The following GALNT8 variants were observed in gnomAD, a reference collection of about 807,000 sequenced individuals.
The protein encoded by GALNT8 is polypeptide N-acetylgalactosaminyltransferase 8.
GALNT8 carries 66 observed loss-of-function variants against 62.7 expected under a neutral mutation model. That is an observed-to-expected ratio of 1.05 (90% CI 0.86 to 1.29). The LOEUF (loss-of-function observed/expected upper bound fraction) is 1.29, where lower values mean the gene tolerates loss of function less well. GALNT8 is among the 50% of genes most tolerant of loss of function. GALNT8 has a pLI of 0.00. For synonymous variants in GALNT8, 288 were observed against 294.3 expected (o/e 0.98, Z 0.22); for missense variants, 771 against 791.8 (o/e 0.97, Z 0.32).
intron 6 of GALNT8, among the ~76,000 whole-genome samples, chr12:4,754,582 C>T (rs1276576481): frequency 2.6e-5 from 4 of 152,090 alleles, no homozygotes; most frequent in African/African-American, 9.7e-5. Flanking sequence ...TAAGACTCAC[C>T]CATCAGGGAA....
At chr12:4,733,644 A>C (rs1189369698) in intron 2 of GALNT8, among the ~76,000 whole-genome samples, 5 of 152,256 alleles carry the variant, frequency 3.3e-5, no homozygotes, top group African/African-American at 1.2e-4. Flanking sequence ...ACCAGACATT[A>C]AGAACTGCCA....
chr12:4,731,058 T>C (rs1946220072), intron 2 of GALNT8, among the ~76,000 whole-genome samples: 1 of 151,898 alleles, frequency 6.6e-6, no homozygotes, highest in Non-Finnish European at 1.5e-5. Context: ...CCATGGTCTC[T>C]ATCTCCTGAC....
In GALNT8 at chr12:4,765,433, G is replaced by T. The variant is rs144271473; in HGVS notation, c.1648G>T (p.Ala550Ser). The T allele has an allele frequency of 1.2e-6, 2 of 1,607,324 alleles. No individual in the cohort carries two copies. The highest frequency in any genetic ancestry group is 4.5e-5 in the East Asian group (2 of 44,566). The stretch of plus-strand genomic sequence containing the variant: ...CTATGTGGGACAACTGATTGCAGAG[G>T]CCAGTGCTAGTGATCGCTGCCTGAC... The part of the protein sequence containing the change: ...ELYVGQLIAE[A>S]SASDRCLTDP... The change falls in exon 10 of 11, where the codon GCC becomes TCC. Residue 550 changes from alanine (A) to serine (S), a missense_variant. Coordinates refer to ENST00000252318, the MANE Select transcript of GALNT8 (RefSeq NM_017417.2).
intron 2 of GALNT8, among the ~76,000 whole-genome samples, chr12:4,731,817 A>G (rs1369303439): frequency 6.6e-6 from 1 of 152,200 alleles, no homozygotes; most frequent in African/African-American, 2.4e-5. Flanking sequence ...CTATCTTTGC[A>G]TCGCATCCCT....
intron 6 of GALNT8, among the ~76,000 whole-genome samples, chr12:4,759,674 T>G (rs1186900424): frequency 6.6e-6 from 1 of 152,076 alleles, no homozygotes; most frequent in African/African-American, 2.4e-5. Flanking sequence ...ACTACTCAGT[T>G]GGACACTCTT....
chr12:4,770,823 AGAGTT>A (rs1946420975), intron 10 of GALNT8, among the ~76,000 whole-genome samples: 1 of 152,206 alleles, frequency 6.6e-6, no homozygotes, highest in South Asian at 2.1e-4. Context: ...AAGGGATAGT[AGAGTT>A]AAGGTCTGGG....
intron 6 of GALNT8, among the ~76,000 whole-genome samples, chr12:4,751,375 T>C (rs1358679683): frequency 6.6e-6 from 1 of 152,194 alleles, no homozygotes; most frequent in Non-Finnish European, 1.5e-5. Flanking sequence ...AAATTTTTAC[T>C]GTTTTTGATG....
intron 7 of GALNT8, 139 bp from the exon 8 acceptor site, chr12:4,763,114 C>G: frequency 1.5e-6 from 1 of 670,586 alleles, no homozygotes; most frequent in Non-Finnish European, 2.6e-6. Flanking sequence ...TCAATCTTGT[C>G]TATCCATTAA....
At chr12:4,732,331 G>A (rs1279469254) in intron 2 of GALNT8, among the ~76,000 whole-genome samples, 1 of 152,276 alleles carries the variant, frequency 6.6e-6, no homozygotes, top group African/African-American at 2.4e-5. Context: ...GGTACACTGT[G>A]ATTCTCCACC....
At chr12:4,751,557 G>C (rs139200505) in intron 6 of GALNT8, among the ~76,000 whole-genome samples, 24 of 152,168 alleles carry the variant, frequency 1.6e-4, no homozygotes, top group Admixed American at 2.6e-4. Flanking sequence ...CCATGTGTCT[G>C]TATAGTTTCC....
chr12:4,722,196 C>T (rs150104886), intron 1 of GALNT8, among the ~76,000 whole-genome samples: 1 of 152,284 alleles, frequency 6.6e-6, no homozygotes, highest in African/African-American at 2.4e-5. Flanking sequence ...TTTCCTTTCC[C>T]CACGCCTATG....
At chr12:4,754,829 G>A (rs1946337349) in intron 6 of GALNT8, among the ~76,000 whole-genome samples, 1 of 151,944 alleles carries the variant, frequency 6.6e-6, no homozygotes, top group Admixed American at 6.6e-5. Context: ...TGCCAGGACT[G>A]GGTCCTTCCC....
chr12:4,771,111 T>A (rs1467370942), intron 10 of GALNT8, among the ~76,000 whole-genome samples: 1 of 151,996 alleles, frequency 6.6e-6, no homozygotes, highest in African/African-American at 2.4e-5. Context: ...GTTCTTGACA[T>A]TTAGTTAAAG....
In GALNT8 at chr12:4,746,311, A is replaced by C. The variant is rs1248194839; in HGVS notation, c.1173+53A>C. On this transcript the variant is annotated intron_variant, in intron 6 of 10. Transcript: ENST00000252318. The stretch of plus-strand genomic sequence containing the variant: ...GACAAAGCAGAAAGGGGAATAATAG[A>C]AAGGTAGTAGGACCCCTGGAATCCT... 4 of 997,360 alleles carry C rather than the reference A, an allele frequency of 4.0e-6. No individual in the cohort carries two copies. In the African/African-American group the frequency reaches 4.7e-5, roughly 12 times the overall value. The allele number at this position is 997,360 out of a possible 1,614,324, so 61.8% of individuals were successfully genotyped here.
intron 6 of GALNT8, among the ~76,000 whole-genome samples, chr12:4,754,689 C>T (rs1314401347): frequency 1.3e-5 from 2 of 152,018 alleles, no homozygotes; most frequent in African/African-American, 2.4e-5. Flanking sequence ...GTGCTCTACC[C>T]ACCTGTGGCC....
At chr12:4,763,872 G>T in intron 8 of GALNT8, 80 bp from the exon 9 acceptor site, 1 of 796,664 alleles carries the variant, frequency 1.3e-6, no homozygotes, top group Non-Finnish European at 2.3e-6. Flanking sequence ...GTGTGTTGGG[G>T]AAAATGTAGG....
intron 2 of GALNT8, among the ~76,000 whole-genome samples, chr12:4,729,964 T>A (rs1283323102): frequency 1.3e-5 from 2 of 152,228 alleles, no homozygotes. Flanking sequence ...ATTTGCATTT[T>A]CCCTGATGGT....
At chr12:4,764,159 A>T (rs1310361845) in intron 9 of GALNT8, 112 bp downstream of exon 9, 2 of 741,870 alleles carry the variant, frequency 2.7e-6, no homozygotes, top group African/African-American at 3.4e-5. Context: ...GCAGGAGCGG[A>T]GCATCCTGGG....
intron 10 of GALNT8, among the ~76,000 whole-genome samples, chr12:4,770,510 TTTATTGTGACCAATAATAAA>T (rs1261791668): frequency 6.6e-6 from 1 of 152,072 alleles, no homozygotes; most frequent in African/African-American, 2.4e-5. Flanking sequence ...GTCACAATAA[TTTATTGTGACCAATAATAAA>T]TTATTGTGAC....
Sources: allele counts gnomAD v4.1 joint callset (sites outside exome capture counted in the v4.1 genomes callset), GRCh38; gene constraint gnomAD v4.1.1; transcripts MANE v1.5; gene names NCBI Gene and HGNC (gene_info 2026-07-23, HGNC 2026-07-21).